Variants in CD109 observed in about 807,000 individuals in gnomAD.
The protein encoded by CD109 is CD109 antigen.
Under a neutral mutation model 165.8 loss-of-function variants are expected in CD109, and 149 were observed. That is an observed-to-expected ratio of 0.90 (90% confidence interval 0.79 to 1.03). CD109 has a LOEUF of 1.03. Ranked by LOEUF, CD109 falls within the 50% of genes least tolerant of loss-of-function variation. The pLI is 0.00. For synonymous variants in CD109, 585 were observed against 592.1 expected (o/e 0.99, Z 0.18); for missense variants, 1,712 against 1,677.8 (o/e 1.02, Z -0.36).
intron 1 of CD109, 35 bp downstream of exon 1, chr6:73,696,324 C>A: frequency 7.1e-7 from 1 of 1,416,580 alleles, no homozygotes; most frequent in South Asian, 1.4e-5. Flanking sequence ...CGCGCGGGCG[C>A]GCGGGCCTGG....
intron 23 of CD109, among the ~76,000 whole-genome samples, chr6:73,793,845 G>C (rs1311801807): frequency 6.6e-6 from 1 of 152,068 alleles, no homozygotes; most frequent in Non-Finnish European, 1.5e-5. Flanking sequence ...GGATTAGAAG[G>C]GTTCACACAA....
intron 5 of CD109, among the ~76,000 whole-genome samples, chr6:73,747,713 C>T (rs1356351716): frequency 6.6e-6 from 1 of 152,042 alleles, no homozygotes; most frequent in Non-Finnish European, 1.5e-5. Flanking sequence ...CTTTCCCCAC[C>T]ACACCTGGCT....
At chr6:73,784,536 C>T (rs1196085797) in intron 19 of CD109, among the ~76,000 whole-genome samples, 1 of 152,156 alleles carries the variant, frequency 6.6e-6, no homozygotes, top group Non-Finnish European at 1.5e-5. Context: ...CAGACTGTCA[C>T]CCACTAACTA....
chr6:73,717,982 G>A (rs1444012054), intron 2 of CD109, among the ~76,000 whole-genome samples: 1 of 151,374 alleles, frequency 6.6e-6, no homozygotes, highest in Non-Finnish European at 1.5e-5. Context: ...AGTTCTAATC[G>A]TGTTTTGGTG....
chr6:73,775,181 ATG>A (rs1774194494), intron 15 of CD109, among the ~76,000 whole-genome samples: 1 of 151,594 alleles, frequency 6.6e-6, no homozygotes, highest in Non-Finnish European at 1.5e-5. Context: ...ATTTGAGGTT[ATG>A]TGTATATATA....
intron 18 of CD109, 98 bp downstream of exon 18, chr6:73,782,853 G>A: frequency 8.5e-7 from 1 of 1,174,130 alleles, no homozygotes; most frequent in Non-Finnish European, 1.2e-6. Flanking sequence ...CAAACATAGT[G>A]TAACTAAGAA....
At chr6:73,722,477 G>T (rs961505942) in intron 2 of CD109, among the ~76,000 whole-genome samples, 1 of 152,144 alleles carries the variant, frequency 6.6e-6, no homozygotes, top group Non-Finnish European at 1.5e-5. Context: ...TGTGTACTGT[G>T]CTGTGCTCTG....
intron 23 of CD109, among the ~76,000 whole-genome samples, chr6:73,796,614 T>G (rs1307833372): frequency 6.6e-6 from 1 of 152,206 alleles, no homozygotes; most frequent in Non-Finnish European, 1.5e-5. Flanking sequence ...ATTGTATAGC[T>G]ATGTGGGCAT....
chr6:73,768,887 C>A (rs1180021761), intron 14 of CD109, among the ~76,000 whole-genome samples: 1 of 152,198 alleles, frequency 6.6e-6, no homozygotes, highest in African/African-American at 2.4e-5. Context: ...CCTCTCCATC[C>A]TCTTATGTAA....
Position 73,782,943 on chromosome 6 carries a change from T to TA in CD109, c.2105+189dup, listed in dbSNP as rs1349969145. Among the ~76,000 whole-genome samples, 8 of 151,822 alleles carry TA rather than the reference T, an allele frequency of 5.3e-5. No individual in the cohort carries two copies. The East Asian group carries it at 1.2e-3, about 22-fold the overall frequency. ...GTTTTTGATAAAGCCACACATAAATTATGGCAGGAAGGTCTCATCAATGAG... is the reference window on the plus strand; with the variant it reads ...GTTTTTGATAAAGCCACACATAAATTAATGGCAGGAAGGTCTCATCAATGAG... On this transcript the variant is annotated intron_variant, in intron 18 of 32. Coordinates refer to ENST00000287097, the MANE Select transcript of CD109 (RefSeq NM_133493.5).
At chr6:73,799,937 G>A (rs1393162644) in intron 23 of CD109, among the ~76,000 whole-genome samples, 1 of 150,002 alleles carries the variant, frequency 6.7e-6, no homozygotes, top group Non-Finnish European at 1.5e-5. Flanking sequence ...GTTCACTGCA[G>A]CCTTGACTTA....
intron 29 of CD109, among the ~76,000 whole-genome samples, chr6:73,814,259 C>G (rs1336300384): frequency 6.6e-6 from 1 of 151,876 alleles, no homozygotes; most frequent in Non-Finnish European, 1.5e-5. Context: ...GCTTTATGAA[C>G]CTTGTTATAA....
At chr6:73,682,753 T>C in the CD109 span, among the ~76,000 whole-genome samples, 2 of 152,240 alleles carry the variant, frequency 1.3e-5, no homozygotes, top group African/African-American at 4.8e-5. Context: ...CCAGGCATTT[T>C]TATACATCTT....
Position 73,768,148 on chromosome 6 carries a change from G to A in CD109, c.1591G>A (p.Val531Ile), listed in dbSNP as rs769118209. 1.2e-6 allele frequency: 2 copies of A among 1,605,184 alleles called. No individual in the cohort carries two copies. Among genetic ancestry groups the A allele is most frequent in the Non-Finnish European group, 8.5e-7 (1 of 1,172,044 alleles). The stretch of plus-strand genomic sequence containing the variant: ...AAATTCTTGGACTCCAAAAGCCTGT[G>A]TAATTGTGTATTATATTGAAGATGA... Reference protein sequence around the residue: ...PENSWTPKACVIVYYIEDDGE... With the variant: ...PENSWTPKACIIVYYIEDDGE... Residue 531 changes from valine to isoleucine, a missense_variant, in exon 14 of 33, where the codon GTA becomes ATA. Val to Ile is a conservative substitution (Grantham distance 29, BLOSUM62 3). Coordinates refer to ENST00000287097, the MANE Select transcript of CD109 (RefSeq NM_133493.5).
intron 1 of CD109, 84 bp from the exon 2 acceptor site, chr6:73,697,316 T>C: frequency 1.6e-6 from 2 of 1,279,204 alleles, no homozygotes; most frequent in Non-Finnish European, 2.2e-6. Context: ...GGAGTGCCTA[T>C]CGCACTAGGA....
At chr6:73,728,212 T>C (rs1366533605) in intron 3 of CD109, among the ~76,000 whole-genome samples, 1 of 152,134 alleles carries the variant, frequency 6.6e-6, no homozygotes, top group Non-Finnish European at 1.5e-5. Context: ...TCCCAGCTAC[T>C]TGGGAGGCTG....
At chr6:73,699,037 A>C (rs1770959116) in intron 2 of CD109, among the ~76,000 whole-genome samples, 2 of 152,244 alleles carry the variant, frequency 1.3e-5, no homozygotes, top group South Asian at 4.1e-4. Context: ...AGGATGCAGA[A>C]AGTCCATTTC....
the CD109 span, among the ~76,000 whole-genome samples, chr6:73,689,283 A>G: frequency 6.6e-6 from 1 of 152,192 alleles, no homozygotes; most frequent in African/African-American, 2.4e-5. Flanking sequence ...GATCAGAAGC[A>G]CAGGTCACAA....
At chr6:73,748,041 T>G (rs931405075) in intron 5 of CD109, among the ~76,000 whole-genome samples, 1 of 152,088 alleles carries the variant, frequency 6.6e-6, no homozygotes, top group African/African-American at 2.4e-5. Context: ...GGCTAATTTT[T>G]GTATTTTTTG....
Sources: allele counts gnomAD v4.1 joint callset (sites outside exome capture counted in the v4.1 genomes callset), GRCh38; gene constraint gnomAD v4.1.1; transcripts MANE v1.5; gene names NCBI Gene and HGNC (gene_info 2026-07-23, HGNC 2026-07-21).